MTUS2: variants seen among roughly 807,000 people sequenced by gnomAD.
The protein encoded by MTUS2 is microtubule-associated tumor suppressor candidate 2.
A neutral mutation model predicts 114.1 loss-of-function variants in MTUS2; 40 were observed. The ratio of observed to expected loss-of-function variants is 0.35; its 90% CI spans 0.27 to 0.46. The LOEUF (loss-of-function observed/expected upper bound fraction) is 0.46, where lower values mean the gene tolerates loss of function less well. Among genes scored for constraint, MTUS2 ranks in the 20% least tolerant of loss-of-function variants. The probability of loss-of-function intolerance (pLI) is 1.00; values close to 1 mark genes in which losing one functional copy is unlikely to be tolerated. For synonymous variants in MTUS2, 688 were observed against 672.0 expected (o/e 1.02, Z -0.37); for missense variants, 1,679 against 1,705.4 (o/e 0.98, Z 0.27).
chr13:28,983,572 T>C (rs937355213), intron 2 of MTUS2, among the ~76,000 whole-genome samples: 21 of 152,368 alleles, frequency 1.4e-4, no homozygotes, highest in African/African-American at 5.0e-4. Context: ...TTGAATTTTT[T>C]TGTTGTGGCT....
chr13:29,284,200 C>T (rs1320235898), intron 6 of MTUS2, among the ~76,000 whole-genome samples: 1 of 152,086 alleles, frequency 6.6e-6, no homozygotes, highest in Non-Finnish European at 1.5e-5. Context: ...GGTATATCCA[C>T]AGGATGCGGT....
At chr13:29,058,580 TTAATTATTA>T (rs1565984558) in intron 4 of MTUS2, among the ~76,000 whole-genome samples, 2 of 142,060 alleles carry the variant, frequency 1.4e-5, no homozygotes, top group African/African-American at 2.6e-5. Flanking sequence ...TTTTTTTTTT[TTAATTATTA>T]TTTTTTTATT....
At chr13:29,067,039 T>A (rs1888696212) in intron 4 of MTUS2, among the ~76,000 whole-genome samples, 1 of 152,164 alleles carries the variant, frequency 6.6e-6, no homozygotes, top group Non-Finnish European at 1.5e-5. Context: ...AGGGGAACAC[T>A]GGGGTATGTT....
At chr13:29,387,933 C>T (rs547436934) in intron 8 of MTUS2, among the ~76,000 whole-genome samples, 9 of 152,154 alleles carry the variant, frequency 5.9e-5, no homozygotes, top group Non-Finnish European at 7.3e-5. Flanking sequence ...GTTAGCCTTT[C>T]ACAACTAGAT....
rs149979932 is a variant in MTUS2, at chr13:29,070,720, G to C, written c.2447-30053G>C. ...TGTTTGAAACTTGTCTCTCCCTTCAGCTCTGGGCAATCATCTTGTGTTCTT... is the reference window on the plus strand; with the variant it reads ...TGTTTGAAACTTGTCTCTCCCTTCACCTCTGGGCAATCATCTTGTGTTCTT... On this transcript the variant is annotated intron_variant, in intron 4 of 15. Coordinates refer to ENST00000612955, the MANE Select transcript of MTUS2 (RefSeq NM_001033602.4). 1.3e-3 allele frequency among the ~76,000 whole-genome samples: 197 copies of C among 152,056 alleles called. 2 individuals carry two copies. The Middle Eastern group carries it at 0.017, about 13-fold the overall frequency.
chr13:29,225,437 T>C (rs1426008647), intron 5 of MTUS2, among the ~76,000 whole-genome samples: 1 of 152,176 alleles, frequency 6.6e-6, no homozygotes, highest in African/African-American at 2.4e-5. Context: ...ACGGGGCAAT[T>C]GTGTACATTT....
chr13:29,113,066 T>G (rs1376999686), intron 5 of MTUS2, among the ~76,000 whole-genome samples: 2 of 152,154 alleles, frequency 1.3e-5, no homozygotes, highest in African/African-American at 4.8e-5. Context: ...TAGGGCCGTC[T>G]CCAGTGATGT....
intron 8 of MTUS2, among the ~76,000 whole-genome samples, chr13:29,365,407 G>T (rs59196378): frequency 6.6e-6 from 1 of 151,912 alleles, no homozygotes; most frequent in Non-Finnish European, 1.5e-5. Flanking sequence ...TCACAATAAG[G>T]TGCAATAAGA....
At chr13:29,154,876 C>G (rs140359307) in intron 5 of MTUS2, among the ~76,000 whole-genome samples, 15 of 152,192 alleles carry the variant, frequency 9.9e-5, no homozygotes, top group Admixed American at 9.8e-4. Context: ...TTTAAGAAAC[C>G]AGTTACTTCA....
intron 4 of MTUS2, among the ~76,000 whole-genome samples, chr13:29,062,465 C>T (rs1888467527): frequency 1.3e-5 from 2 of 152,190 alleles, no homozygotes; most frequent in Non-Finnish European, 2.9e-5. Flanking sequence ...AGTACCATCA[C>T]ACTGGCAAAT....
At chr13:28,997,182 A>G (rs1885151694) in intron 2 of MTUS2, among the ~76,000 whole-genome samples, 1 of 152,136 alleles carries the variant, frequency 6.6e-6, no homozygotes, top group Admixed American at 6.5e-5. Flanking sequence ...CAGGTTGTTC[A>G]GTTTCCATGT....
At chr13:29,493,569 G>T (rs1250991739) in intron 12 of MTUS2, among the ~76,000 whole-genome samples, 1 of 152,148 alleles carries the variant, frequency 6.6e-6, no homozygotes, top group East Asian at 1.9e-4. Context: ...GGCAACATAC[G>T]TGGCACTGAG....
At chr13:29,145,063 G>T (rs985494408) in intron 5 of MTUS2, among the ~76,000 whole-genome samples, 7 of 152,150 alleles carry the variant, frequency 4.6e-5, no homozygotes, top group African/African-American at 1.4e-4. Context: ...AATTGGATCT[G>T]CCAGGGCTGC....
At chr13:28,994,366 G>A (rs992539028) in intron 2 of MTUS2, among the ~76,000 whole-genome samples, 1 of 152,144 alleles carries the variant, frequency 6.6e-6, no homozygotes, top group African/African-American at 2.4e-5. Context: ...AAACATACGT[G>A]TGCATGCGTC....
chr13:29,118,401 G>A lies in MTUS2; in HGVS notation c.2644+17431G>A, dbSNP rs558970690. Among the ~76,000 whole-genome samples the A allele has an allele frequency of 6.6e-5, 10 of 152,280 alleles. No homozygotes were observed. In the East Asian group the frequency reaches 1.9e-3, roughly 29 times the overall value. ...TGATGTCCTCATCCCGTGATGCACA[G>A]CAGGGTAAGAGGCACTGAATGTAGC... On this transcript the variant is annotated intron_variant, in intron 5 of 15. Transcript: ENST00000612955.
intron 5 of MTUS2, among the ~76,000 whole-genome samples, chr13:29,129,312 A>G (rs150970313): frequency 2.0e-4 from 31 of 151,942 alleles, no homozygotes; most frequent in African/African-American, 6.0e-4. Flanking sequence ...GCCAGAGTCC[A>G]GATTCTGTAT....
chr13:29,302,319 A>T (rs1899240551), intron 6 of MTUS2, among the ~76,000 whole-genome samples: 1 of 152,152 alleles, frequency 6.6e-6, no homozygotes, highest in African/African-American at 2.4e-5. Flanking sequence ...CCACCTGGAA[A>T]ACCATGCTTC....
intron 2 of MTUS2, among the ~76,000 whole-genome samples, chr13:28,956,931 G>T (rs1346759587): frequency 6.6e-6 from 1 of 151,394 alleles, no homozygotes; most frequent in Non-Finnish European, 1.5e-5. Context: ...GGGCGATCTG[G>T]TGGGAAGGAA....
intron 8 of MTUS2, among the ~76,000 whole-genome samples, chr13:29,393,173 C>G (rs973346390): frequency 1.6e-4 from 25 of 152,154 alleles, no homozygotes; most frequent in East Asian, 3.9e-4. Context: ...CCTCCAGAGA[C>G]CTCTGTTATT....
Sources: allele counts gnomAD v4.1 joint callset (sites outside exome capture counted in the v4.1 genomes callset), GRCh38; gene constraint gnomAD v4.1.1; transcripts MANE v1.5; gene names NCBI Gene and HGNC (gene_info 2026-07-23, HGNC 2026-07-21).